The following EIF2A variants were observed in gnomAD, a reference collection of about 807,000 sequenced individuals.
EIF2A encodes the protein eukaryotic translation initiation factor 2A.
A neutral mutation model predicts 75.2 loss-of-function variants in EIF2A; 62 were observed. The ratio of observed to expected loss-of-function variants is 0.82; its 90% CI spans 0.67 to 1.02. The LOEUF (loss-of-function observed/expected upper bound fraction) is 1.02, where lower values mean the gene tolerates loss of function less well. EIF2A is among the 50% of genes least tolerant of loss of function. The pLI is 0.00. For synonymous variants in EIF2A, 207 were observed against 239.0 expected, an observed-to-expected ratio of 0.87 and a Z score of 1.23; for missense variants, 611 against 677.7, an observed-to-expected ratio of 0.90 and a Z score of 1.09.
intron 12 of EIF2A, among the ~76,000 whole-genome samples, chr3:150,582,378 G>T (rs61667461): frequency 0.15 from 22,391 of 145,896 alleles, 1,681 homozygotes; most frequent in Non-Finnish European, 0.16. Context: ...GCAGTGGCGC[G>T]ATCTCGGCTC....
At chr3:150,557,130 CTT>C (rs1723609329) in intron 2 of EIF2A, among the ~76,000 whole-genome samples, 1 of 151,968 alleles carries the variant, frequency 6.6e-6, no homozygotes, top group African/African-American at 2.4e-5. Flanking sequence ...ACTGAACAGT[CTT>C]ATAAATAATT....
chr3:150,559,498 C>CTTTTT (rs36038911), intron 3 of EIF2A, among the ~76,000 whole-genome samples: 16 of 110,546 alleles, frequency 1.4e-4, no homozygotes, highest in Non-Finnish European at 1.6e-4. Flanking sequence ...ATGCCCAGCC[C>CTTTTT]TTTTTTTTTT....
At chr3:150,547,693 G>A (rs1427269578) in intron 1 of EIF2A, among the ~76,000 whole-genome samples, 1 of 151,938 alleles carries the variant, frequency 6.6e-6, no homozygotes, top group African/African-American at 2.4e-5. Context: ...CTTCCCCCCC[G>A]CGAAAGGAAC....
intron 9 of EIF2A, 55 bp downstream of exon 9, chr3:150,568,347 AT>A (rs780077662): frequency 7.4e-7 from 1 of 1,355,868 alleles, no homozygotes. Flanking sequence ...AAAAAATACT[AT>A]GCCATAAAGA....
At chr3:150,574,776 A>C (rs1335902564) in intron 10 of EIF2A, among the ~76,000 whole-genome samples, 4 of 152,252 alleles carry the variant, frequency 2.6e-5, no homozygotes, top group Admixed American at 2.6e-4. Flanking sequence ...CTTATAAGTA[A>C]AATGCGGATC....
At chr3:150,581,843 A>G in intron 12 of EIF2A, 97 bp downstream of exon 12, 1 of 1,398,958 alleles carries the variant, frequency 7.1e-7, no homozygotes, top group Non-Finnish European at 9.7e-7. Flanking sequence ...GTATCTAAGA[A>G]GTTGGTATCA....
At chr3:150,571,059 T>TC (rs1335088223) in intron 9 of EIF2A, among the ~76,000 whole-genome samples, 2 of 151,234 alleles carry the variant, frequency 1.3e-5, no homozygotes, top group East Asian at 3.9e-4. Flanking sequence ...AGAGTGAAAC[T>TC]CCATCTCAAA....
rs58164355 is a variant in EIF2A, at chr3:150,560,891, T to G, written c.174-1651T>G. 3.0e-3 allele frequency among the ~76,000 whole-genome samples: 453 copies of G among 152,194 alleles called. 1 individual carries two copies. Among genetic ancestry groups the G allele is most frequent in the African/African-American group, 0.01 (434 of 41,542 alleles). Reference sequence around the variant, plus strand: ...AATTTCAGCACTTGTAAAACAGAAATGATGACATTTGTAAGATTGTTGTAA... The same window carrying G: ...AATTTCAGCACTTGTAAAACAGAAAGGATGACATTTGTAAGATTGTTGTAA... On this transcript the variant is annotated intron_variant, in intron 3 of 13. Coordinates refer to ENST00000460851, the MANE Select transcript of EIF2A (RefSeq NM_032025.5).
Position 150,564,549 on chromosome 3 carries a change from C to A in EIF2A, c.475+168C>A, listed in dbSNP as rs562352388. Reference sequence around the variant, plus strand: ...TTATAAGTCTGAATTCAGTGAAAATCTGTAACACAAAGGTTTTCTTTTACA... The same window carrying A: ...TTATAAGTCTGAATTCAGTGAAAATATGTAACACAAAGGTTTTCTTTTACA... On this transcript the variant is annotated intron_variant, in intron 6 of 13. Coordinates refer to ENST00000460851, the MANE Select transcript of EIF2A (RefSeq NM_032025.5). The A allele has an allele frequency of 4.1e-5, 19 of 462,404 alleles. 1 individual carries two copies. In the South Asian group the frequency reaches 1.3e-3, roughly 32 times the overall value. The allele number at this position is 462,404 out of a possible 1,614,324, so 28.6% of individuals were successfully genotyped here.
Position 150,562,371 on chromosome 3 carries a change from G to A in EIF2A, c.174-171G>A, listed in dbSNP as rs369095026. Among the ~76,000 whole-genome samples, 27 of 151,506 alleles carry A rather than the reference G, an allele frequency of 1.8e-4. No individual in the cohort carries two copies. The East Asian group carries it at 2.5e-3, about 14-fold the overall frequency. On this transcript the variant is annotated intron_variant, in intron 3 of 13. Transcript: ENST00000460851. ...GGGGAGGTGGAGCTTGCAGTGAGCC[G>A]AGATTGCGCCACTGCACTCCAACCT...
intron 2 of EIF2A, chr3:150,557,641 C>T (rs1049428788): frequency 8.9e-6 from 3 of 337,574 alleles, no homozygotes; most frequent in Admixed American, 4.0e-5. Flanking sequence ...TCAGGTGATC[C>T]GCCTGCCTCG....
At chr3:150,556,455 A>G (rs1723575920) in intron 2 of EIF2A, among the ~76,000 whole-genome samples, 1 of 152,200 alleles carries the variant, frequency 6.6e-6, no homozygotes, top group Non-Finnish European at 1.5e-5. Context: ...ATTAAATGAT[A>G]TTAAGAAGTT....
intron 11 of EIF2A, among the ~76,000 whole-genome samples, chr3:150,577,572 T>C (rs1028099665): frequency 6.6e-6 from 1 of 151,978 alleles, no homozygotes; most frequent in Admixed American, 6.6e-5. Flanking sequence ...GAGTAGGTTT[T>C]TTTGGTTTGG....
intron 4 of EIF2A, chr3:150,562,876 G>C (rs1470583731): frequency 3.2e-6 from 1 of 313,850 alleles, no homozygotes; most frequent in East Asian, 6.4e-5. Flanking sequence ...TTAATGTAAA[G>C]AGCCATTATG....
chr3:150,572,724 C>T (rs796810986), intron 10 of EIF2A, among the ~76,000 whole-genome samples, 195 bp downstream of exon 10: 30 of 152,110 alleles, frequency 2.0e-4, no homozygotes, highest in African/African-American at 6.7e-4. Context: ...GGCATGGTGG[C>T]GCATGCCCGT....
intron 9 of EIF2A, among the ~76,000 whole-genome samples, chr3:150,571,642 T>C (rs1041341484): frequency 2.0e-5 from 3 of 152,086 alleles, no homozygotes; most frequent in Non-Finnish European, 4.4e-5. Flanking sequence ...ATAAATAAAT[T>C]AGTTTGTATT....
At chr3:150,573,922 T>G (rs1203766136) in intron 10 of EIF2A, among the ~76,000 whole-genome samples, 1 of 152,092 alleles carries the variant, frequency 6.6e-6, no homozygotes, top group African/African-American at 2.4e-5. Context: ...TTAAAATGCG[T>G]TCGTTGGTCC....
intron 9 of EIF2A, among the ~76,000 whole-genome samples, chr3:150,570,840 G>A (rs1724470444): frequency 6.7e-6 from 1 of 149,086 alleles, no homozygotes; most frequent in African/African-American, 2.5e-5. Context: ...GCTGAGGCAG[G>A]TGGATCACCT....
chr3:150,571,781 TTTATGA>T (rs1429371663), intron 9 of EIF2A, among the ~76,000 whole-genome samples, 171 bp from the exon 10 acceptor site: 2 of 152,308 alleles, frequency 1.3e-5, no homozygotes, highest in Admixed American at 1.3e-4. Flanking sequence ...CTTAAATAAA[TTTATGA>T]TTATACATTA....
Sources: allele counts gnomAD v4.1 joint callset (sites outside exome capture counted in the v4.1 genomes callset), GRCh38; gene constraint gnomAD v4.1.1; transcripts MANE v1.5; gene names NCBI Gene and HGNC (gene_info 2026-07-23, HGNC 2026-07-21).